GNAS: variants seen among roughly 807,000 people sequenced by gnomAD.
GNAS encodes protein ALEX.
In GNAS, 8 loss-of-function variants were observed where a neutral mutation model predicts 54.5. The observed-to-expected ratio is 0.15, with a 90% CI of 0.09 to 0.26. GNAS has a LOEUF of 0.26. Among genes scored for constraint, GNAS ranks in the 10% least tolerant of loss-of-function variants. GNAS has a pLI of 1.00. For synonymous variants in GNAS, 204 were observed against 191.4 expected, an observed-to-expected ratio of 1.07 and a Z score of -0.54; for missense variants, 170 against 529.8, an observed-to-expected ratio of 0.32 and a Z score of 6.67.
intron 6 of GNAS, 43 bp downstream of exon 6, chr20:58,905,523 A>G: frequency 9.9e-7 from 1 of 1,006,776 alleles, no homozygotes; most frequent in Non-Finnish European, 1.6e-6. Flanking sequence ...AAAACAGACA[A>G]AAACAAGAAA....
In GNAS at chr20:58,910,132, CAAACGGTCAGGCTGA is replaced by C; in HGVS notation, c.970+56_970+70del. On this transcript the variant is annotated intron_variant, in intron 11 of 12. Transcript: ENST00000371085. The surrounding 1 kb of genome is among the most constrained non-coding windows in gnomAD (Gnocchi z 5.8). ...GCTGTTCATTGCGGTGGTTCTTTTT[CAAACGGTCAGGCTGA>C]AAACCCCCATCCCCCTCCCACCACC... 6.3e-7 allele frequency: 1 copy of C among 1,594,594 alleles called. No homozygotes were observed. The highest frequency in any genetic ancestry group is 1.7e-5 in the Admixed American group (1 of 59,984).
intron 1 of GNAS, among the ~76,000 whole-genome samples, chr20:58,849,997 T>C (rs1321613817): frequency 2.0e-5 from 3 of 152,172 alleles, no homozygotes; most frequent in Non-Finnish European, 2.9e-5. Context: ...AGATTCTATC[T>C]AATTTCTCCT....
At chr20:58,889,223 C>CGGCGT (rs1479914816), upstream of GNAS, 19 of 1,078,512 alleles carry the variant, frequency 1.8e-5, no homozygotes, top group African/African-American at 7.1e-5. Context: ...GGTGGCTGGC[C>CGGCGT]GGCGCGGCGC....
rs973405828 is a variant in GNAS, at chr20:58,891,533, A to C, written c.-194A>C. The stretch of plus-strand genomic sequence containing the variant: ...GCGCGCGCCCCTCGGTCCGACCGAC[A>C]CCCTCCCCTTCCCGCCCGTCCGCGC... On this transcript the variant is annotated 5_prime_UTR_variant, in exon 1 of 13. Transcript: ENST00000371085. 7 of 971,040 alleles carry C rather than the reference A, an allele frequency of 7.2e-6. No homozygotes were observed. The highest frequency in any genetic ancestry group is 8.5e-6 in the Non-Finnish European group (7 of 823,246). The allele number at this position is 971,040 out of a possible 1,614,324, so 60.2% of individuals were successfully genotyped here. A position where few individuals can be genotyped will look rare whatever the true frequency, so the allele number is the denominator to read the frequency against.
intron 3 of GNAS, among the ~76,000 whole-genome samples, chr20:58,901,397 G>A (rs1390388205): frequency 6.6e-6 from 1 of 152,156 alleles, no homozygotes; most frequent in Non-Finnish European, 1.5e-5. Context: ...TTCACTCTAA[G>A]GTGGTTGCTT....
chr20:58,909,449 T>C lies in GNAS; in HGVS notation c.659+26T>C. The C allele has an allele frequency of 6.2e-7, 1 of 1,610,146 alleles. No individual in the cohort carries two copies. On this transcript the variant is annotated intron_variant, in intron 8 of 12. Coordinates refer to ENST00000371085, the MANE Select transcript of GNAS (RefSeq NM_000516.7). The surrounding 1 kb of genome is among the most constrained non-coding windows in gnomAD (Gnocchi z 7.3). Reference sequence around the variant, plus strand: ...GTAAGCCAACTGTTACCTTTTTATATAACAGAGATCATGGTTTCTTGACAT... The same window carrying C: ...GTAAGCCAACTGTTACCTTTTTATACAACAGAGATCATGGTTTCTTGACAT...
upstream of GNAS, chr20:58,889,567 A>C (rs1312299366): frequency 6.5e-6 from 1 of 153,254 alleles, no homozygotes; most frequent in Non-Finnish European, 1.4e-5. Context: ...GACTCCTGCC[A>C]TCCGCGCCTT....
intron 1 of GNAS, chr20:58,854,871 C>T: frequency 6.3e-7 from 1 of 1,595,510 alleles, no homozygotes; most frequent in Non-Finnish European, 8.5e-7. Context: ...CCCCGAGATC[C>T]AGGCTGCCGA....
chr20:58,840,091 G>C, upstream of GNAS: 1 of 1,609,710 alleles, frequency 6.2e-7, no homozygotes, highest in African/African-American at 1.3e-5. This position sits in a 1 kb window ranked among gnomAD's most constrained non-coding sequence, Gnocchi z 6.0. Flanking sequence ...CGGCTTCTCG[G>C]TGTGTGCCTA....
Position 58,841,447 on chromosome 20 carries a change from G to A in GNAS, c.43+561G>A. 2 of 993,830 alleles carry A rather than the reference G, an allele frequency of 2.0e-6. No individual in the cohort carries two copies. Among genetic ancestry groups the A allele is most frequent in the South Asian group, 4.5e-5 (1 of 22,036 alleles). 61.6% of individuals were successfully genotyped at this position (993,830 alleles called of 1,614,324 possible). ...CACCCGGGAGGGAAGTCACGCGCGC[G>A]CGGCGCCTAAGCAGCTCAGAGCCGG... On this transcript the variant is annotated intron_variant, in intron 1 of 12. Transcript: ENST00000306090. This position sits in a 1 kb window ranked among gnomAD's most constrained non-coding sequence, Gnocchi z 5.0.
At chr20:58,889,287 C>A (rs778210181), upstream of GNAS, 80 of 996,768 alleles carry the variant, frequency 8.0e-5, no homozygotes, top group Non-Finnish European at 9.4e-5. Context: ...GAGCCCCTGT[C>A]CCGGCGCGGG....
At position 58,853,312 on chromosome 20, in the gene GNAS, G is replaced by T. The variant is rs182064479; in HGVS notation, c.43+12426G>T. On this transcript the variant is annotated intron_variant, in intron 1 of 12. Transcript: ENST00000306090. The surrounding 1 kb of genome is among the most constrained non-coding windows in gnomAD (Gnocchi z 4.4). Reference sequence around the variant, plus strand: ...TACGGCAATAATATGTCAGGACAACGCGATATCCCCCCTGAAATCGGGGAA... The same window carrying T: ...TACGGCAATAATATGTCAGGACAACTCGATATCCCCCCTGAAATCGGGGAA... 1 of 1,550,270 alleles carries T rather than the reference G, an allele frequency of 6.5e-7. No individual in the cohort carries two copies. The highest frequency in any genetic ancestry group is 2.0e-5 in the Admixed American group (1 of 51,012).
chr20:58,891,685 GCCGCCGCAGCCCGGCCGCGCC>G lies in GNAS; in HGVS notation c.-34_-14del. 2.1e-6 allele frequency: 2 copies of G among 969,698 alleles called. No individual in the cohort carries two copies. The highest frequency in any genetic ancestry group is 2.4e-6 in the Non-Finnish European group (2 of 822,828). 60.1% of individuals were successfully genotyped at this position (969,698 alleles called of 1,614,324 possible). On this transcript the variant is annotated 5_prime_UTR_variant, in exon 1 of 13. Transcript: ENST00000371085. ...CCGCGTGAGGCCGCCCGCGCCCGCC[GCCGCCGCAGCCCGGCCGCGCC>G]CCGCCGCCGCCGCCGCCGCCATGGG... is the stretch of plus-strand genomic sequence containing the variant.
In GNAS at chr20:58,891,478, C is replaced by G; in HGVS notation, c.-249C>G. 2 of 937,672 alleles carry G rather than the reference C, an allele frequency of 2.1e-6. No individual in the cohort carries two copies. The highest frequency in any genetic ancestry group is 2.5e-6 in the Non-Finnish European group (2 of 788,628). The allele number at this position is 937,672 out of a possible 1,614,324, so 58.1% of individuals were successfully genotyped here. On this transcript the variant is annotated 5_prime_UTR_variant, in exon 1 of 13. Coordinates refer to ENST00000371085, the MANE Select transcript of GNAS (RefSeq NM_000516.7). ...TCGGCCCGGCGGCGGCCATCAGCCC[C>G]CTCGGCCTCGGCTCGAGGGGCGGGG... is the stretch of plus-strand genomic sequence containing the variant.
In GNAS at chr20:58,897,246, G is replaced by A. The variant is rs112772748; in HGVS notation, c.212+1562G>A. Among the ~76,000 whole-genome samples, 386 of 152,216 alleles carry A rather than the reference G, an allele frequency of 2.5e-3. 6 individuals carry two copies. Among genetic ancestry groups the A allele is most frequent in the African/African-American group, 8.9e-3 (368 of 41,508 alleles). ...GAAATTAATTCTTGACACACCCCTC[G>A]ATAAAGCCCTGCCAGCGGAGACTGC... On this transcript the variant is annotated intron_variant, in intron 2 of 12. Coordinates refer to ENST00000371085, the MANE Select transcript of GNAS (RefSeq NM_000516.7).
In GNAS at chr20:58,862,578, C is replaced by G. The variant is rs1296458256; in HGVS notation, c.43+21692C>G. Among the ~76,000 whole-genome samples, 4 of 143,652 alleles carry G rather than the reference C, an allele frequency of 2.8e-5. No homozygotes were observed. The Admixed American group carries it at 2.8e-4, about 10-fold the overall frequency. The allele number at this position is 143,652 out of a possible 152,430, so 94.2% of individuals were successfully genotyped here. Reference sequence around the variant, plus strand: ...TGCTGGGTTTTTTTTTTGTTTGTGTCTTTGTTTTTCTGTTTTTTGCATTTC... The same window carrying G: ...TGCTGGGTTTTTTTTTTGTTTGTGTGTTTGTTTTTCTGTTTTTTGCATTTC... On this transcript the variant is annotated intron_variant, in intron 1 of 12. Transcript: ENST00000306090.
intron 1 of GNAS, among the ~76,000 whole-genome samples, chr20:58,872,673 G>A (rs2087546433): frequency 6.6e-6 from 1 of 152,126 alleles, no homozygotes; most frequent in Non-Finnish European, 1.5e-5. Flanking sequence ...AAGGAAAGGT[G>A]AGGGGAAGAG....
upstream of GNAS, chr20:58,840,655 G>A (rs1254682477): frequency 9.3e-6 from 15 of 1,606,068 alleles, no homozygotes; most frequent in Admixed American, 1.7e-5. The surrounding 1 kb of genome is among the most constrained non-coding windows in gnomAD (Gnocchi z 6.0). Flanking sequence ...CCAGCACTCA[G>A]GAGCCCCAGA....
intron 1 of GNAS, among the ~76,000 whole-genome samples, chr20:58,847,637 G>A (rs6128445): frequency 2.0e-5 from 3 of 152,186 alleles, no homozygotes; most frequent in Admixed American, 2.0e-4. Flanking sequence ...CTGCAGAGAA[G>A]GCACTTCTGC....
Sources: allele counts gnomAD v4.1 joint callset (sites outside exome capture counted in the v4.1 genomes callset), GRCh38; gene constraint gnomAD v4.1.1; non-coding constraint Gnocchi (gnomAD v3.1); transcripts MANE v1.5; gene names NCBI Gene and HGNC (gene_info 2026-07-23, HGNC 2026-07-21).